CPNE4: variants seen among roughly 807,000 people sequenced by gnomAD.
CPNE4 encodes copine 4.
A neutral mutation model predicts 67.9 loss-of-function variants in CPNE4; 25 were observed. The observed-to-expected ratio is 0.37, with a 90% CI of 0.27 to 0.51. The LOEUF is 0.51. Among genes scored for constraint, CPNE4 ranks in the 20% least tolerant of loss-of-function variants. The probability of loss-of-function intolerance (pLI) is 0.93; values close to 1 mark genes in which losing one functional copy is unlikely to be tolerated. For missense variants in CPNE4, 464 were observed against 690.8 expected (o/e 0.67, Z 3.68); for synonymous variants, 242 against 244.9 (o/e 0.99, Z 0.11).
chr3:131,936,612 A>G (rs1167496841), intron 1 of CPNE4, among the ~76,000 whole-genome samples: 1 of 151,600 alleles, frequency 6.6e-6, no homozygotes, highest in Non-Finnish European at 1.5e-5. Flanking sequence ...TGGCACAGAC[A>G]TGATACAAAG....
intron 7 of CPNE4, among the ~76,000 whole-genome samples, chr3:131,612,794 T>C (rs908645167): frequency 5.3e-5 from 8 of 152,122 alleles, no homozygotes; most frequent in Non-Finnish European, 8.8e-5. Flanking sequence ...AGCTGAAAAA[T>C]AAAATTAAAA....
intron 1 of CPNE4, among the ~76,000 whole-genome samples, chr3:131,962,005 T>C (rs999623140): frequency 1.3e-5 from 2 of 152,222 alleles, no homozygotes; most frequent in African/African-American, 2.4e-5. Context: ...TGGTCATTCA[T>C]GCATTCACCT....
rs1028156994 is a variant in CPNE4 at position 131,791,084 on chromosome 3, T to C, written c.181-67459A>G. Among the ~76,000 whole-genome samples the C allele has an allele frequency of 5.3e-5, 8 of 152,304 alleles. No homozygotes were observed. In the East Asian group the frequency reaches 1.5e-3, roughly 29 times the overall value. ...TGATTACTGGATTTAAAATTATAAT[T>C]CAGCATGCAGCTTTAATGAGATGAA... On this transcript the variant is annotated intron_variant, in intron 2 of 15. Coordinates refer to ENST00000429747, the MANE Select transcript of CPNE4 (RefSeq NM_130808.3).
chr3:131,801,415 C>CGTGTGTATGTGTGT (rs1491403261), intron 2 of CPNE4, among the ~76,000 whole-genome samples: 1 of 66,074 alleles, frequency 1.5e-5, no homozygotes, highest in East Asian at 4.6e-4. Context: ...TACATATATA[C>CGTGTGTATGTGTGT]GTGTGTGTGT....
At chr3:131,789,281 T>A (rs369321568) in intron 2 of CPNE4, among the ~76,000 whole-genome samples, 34 of 152,288 alleles carry the variant, frequency 2.2e-4, no homozygotes, top group African/African-American at 8.2e-4. Flanking sequence ...TGTCAATTAC[T>A]AGCTGTGTGT....
chr3:131,542,013 G>C (rs1211756384), intron 15 of CPNE4, among the ~76,000 whole-genome samples: 1 of 152,116 alleles, frequency 6.6e-6, no homozygotes, highest in Admixed American at 6.5e-5. Context: ...TGTTTTGAAG[G>C]AGTTAAATAA....
intron 2 of CPNE4, among the ~76,000 whole-genome samples, chr3:131,881,762 G>GA (rs1183010515): frequency 2.0e-5 from 3 of 152,166 alleles, no homozygotes; most frequent in East Asian, 1.9e-4. Flanking sequence ...GAGAAAAAGG[G>GA]AAAAAACAAT....
chr3:131,627,005 C>T (rs565354839), intron 7 of CPNE4, among the ~76,000 whole-genome samples: 1 of 151,924 alleles, frequency 6.6e-6, no homozygotes, highest in Non-Finnish European at 1.5e-5. Context: ...CCAGCCTGAC[C>T]AACATGGTGA....
chr3:131,877,049 C>T (rs1392200415), intron 2 of CPNE4, among the ~76,000 whole-genome samples: 1 of 151,810 alleles, frequency 6.6e-6, no homozygotes, highest in Non-Finnish European at 1.5e-5. Context: ...TCTCCCTTGC[C>T]TTCCTCTGCT....
intron 6 of CPNE4, 68 bp from the exon 7 acceptor site, chr3:131,669,832 A>G (rs2080363543): frequency 8.2e-6 from 10 of 1,219,064 alleles, no homozygotes; most frequent in Middle Eastern, 1.9e-4. Flanking sequence ...TTCCACATTA[A>G]AACTGCTTGA....
intron 1 of CPNE4, among the ~76,000 whole-genome samples, chr3:132,002,153 G>A (rs1337571495): frequency 6.6e-6 from 1 of 152,126 alleles, no homozygotes; most frequent in Non-Finnish European, 1.5e-5. Flanking sequence ...TAGCCCCCAT[G>A]TCTGCTTACT....
chr3:131,656,911 G>A (rs1429581224), intron 7 of CPNE4, among the ~76,000 whole-genome samples: 1 of 152,100 alleles, frequency 6.6e-6, no homozygotes, highest in Non-Finnish European at 1.5e-5. Context: ...GGACAGGTGG[G>A]AATTTCAGGC....
intron 1 of CPNE4, among the ~76,000 whole-genome samples, chr3:131,995,223 T>C (rs1217212134): frequency 6.6e-6 from 1 of 152,056 alleles, no homozygotes; most frequent in African/African-American, 2.4e-5. Context: ...CTCACACACC[T>C]GTTCATTTAA....
At chr3:131,663,668 C>T (rs1309826904) in intron 7 of CPNE4, among the ~76,000 whole-genome samples, 1 of 152,060 alleles carries the variant, frequency 6.6e-6, no homozygotes, top group Non-Finnish European at 1.5e-5. Flanking sequence ...AGGAATCCAG[C>T]TTTGGGGGTG....
chr3:131,544,085 T>C lies in CPNE4; in HGVS notation c.1303-1292A>G, dbSNP rs187602522. ...TTAGTCAACATGAGAGGCATCATGA[T>C]GGCCTTTACTGGTAAGAGGAAAGAG... is the stretch of plus-strand genomic sequence containing the variant. On this transcript the variant is annotated intron_variant, in intron 14 of 15. Transcript: ENST00000429747. 3.4e-4 allele frequency among the ~76,000 whole-genome samples: 52 copies of C among 152,318 alleles called. No homozygotes were observed. The East Asian group carries it at 6.7e-3, about 20-fold the overall frequency.
At chr3:131,615,891 TCACA>T (rs746630965) in intron 7 of CPNE4, among the ~76,000 whole-genome samples, 3,464 of 107,746 alleles carry the variant, frequency 0.032, 47 homozygotes, top group Middle Eastern at 0.066. Flanking sequence ...TCTCTCTCTC[TCACA>T]CACACACACA....
intron 2 of CPNE4, among the ~76,000 whole-genome samples, chr3:131,837,188 A>G (rs909581750): frequency 4.6e-5 from 7 of 152,116 alleles, no homozygotes; most frequent in Non-Finnish European, 8.8e-5. Context: ...TAAACTGACA[A>G]ATATGACTGA....
chr3:131,666,022 A>G (rs1560078324), intron 7 of CPNE4, among the ~76,000 whole-genome samples: 1 of 152,304 alleles, frequency 6.6e-6, no homozygotes, highest in Non-Finnish European at 1.5e-5. Flanking sequence ...AGTTGTTTAT[A>G]AAGCTCAATG....
chr3:131,580,550 A>G (rs1937760470), intron 9 of CPNE4, among the ~76,000 whole-genome samples: 1 of 152,060 alleles, frequency 6.6e-6, no homozygotes, highest in African/African-American at 2.4e-5. Context: ...TGAGTCCTGT[A>G]TGGAGGAGTC....
Sources: allele counts gnomAD v4.1 joint callset (sites outside exome capture counted in the v4.1 genomes callset), GRCh38; gene constraint gnomAD v4.1.1; transcripts MANE v1.5; gene names NCBI Gene and HGNC (gene_info 2026-07-23, HGNC 2026-07-21).